The following NWD2 variants were observed in gnomAD, a reference collection of about 807,000 sequenced individuals.
NWD2 encodes the protein NACHT and WD repeat domain-containing protein 2.
Under a neutral mutation model 132.7 loss-of-function variants are expected in NWD2, and 37 were observed. The observed-to-expected ratio is 0.28, with a 90% CI of 0.21 to 0.37. The LOEUF is 0.37. Ranked by LOEUF, NWD2 falls within the 10% of genes least tolerant of loss-of-function variation. NWD2 has a pLI of 1.00. For missense variants in NWD2, 1,592 were observed against 2,122.4 expected, an observed-to-expected ratio of 0.75 and a Z score of 4.91; for synonymous variants, 705 against 803.0, an observed-to-expected ratio of 0.88 and a Z score of 2.06.
chr4:37,253,144 T>A (rs1360814972), intron 1 of NWD2, among the ~76,000 whole-genome samples: 1 of 152,202 alleles, frequency 6.6e-6, no homozygotes, highest in Non-Finnish European at 1.5e-5. Flanking sequence ...TCATCATTAC[T>A]ATGTGTTATT....
intron 3 of NWD2, among the ~76,000 whole-genome samples, chr4:37,362,533 G>A (rs767273282): frequency 6.6e-6 from 1 of 152,170 alleles, no homozygotes; most frequent in Non-Finnish European, 1.5e-5. Flanking sequence ...ACAGCCATCT[G>A]ACCTTTGACA....
At chr4:37,361,975 G>A (rs1380582616) in intron 3 of NWD2, among the ~76,000 whole-genome samples, 3 of 152,034 alleles carry the variant, frequency 2.0e-5, no homozygotes, top group African/African-American at 7.2e-5. Context: ...TTCAGTTTCA[G>A]GATACAAAAT....
chr4:37,358,698 A>C (rs1430986538), intron 3 of NWD2, among the ~76,000 whole-genome samples: 2 of 152,164 alleles, frequency 1.3e-5, no homozygotes, highest in African/African-American at 4.8e-5. Flanking sequence ...GGTCATTCTG[A>C]GAATCAAATG....
intron 3 of NWD2, among the ~76,000 whole-genome samples, chr4:37,357,316 T>C (rs1719890705): frequency 6.6e-6 from 1 of 152,180 alleles, no homozygotes; most frequent in South Asian, 2.1e-4. Context: ...CTAGATTCAA[T>C]ATATCAGCAA....
At chr4:37,377,392 C>T (rs575108605) in intron 3 of NWD2, among the ~76,000 whole-genome samples, 5 of 152,244 alleles carry the variant, frequency 3.3e-5, no homozygotes, top group Admixed American at 2.6e-4. Flanking sequence ...CAAATGTCCA[C>T]GTAATTTTTT....
intron 1 of NWD2, among the ~76,000 whole-genome samples, chr4:37,324,169 A>G (rs1719125738): frequency 6.6e-6 from 1 of 152,090 alleles, no homozygotes; most frequent in South Asian, 2.1e-4. Context: ...GTTGAAATTA[A>G]AAAAAATTAG....
At chr4:37,347,484 A>T (rs1043295370) in intron 2 of NWD2, among the ~76,000 whole-genome samples, 21 of 152,158 alleles carry the variant, frequency 1.4e-4, no homozygotes, top group African/African-American at 5.1e-4. Context: ...TATACAATTT[A>T]TACCAATTTA....
intron 2 of NWD2, among the ~76,000 whole-genome samples, chr4:37,340,039 A>G (rs1460105314): frequency 1.3e-5 from 2 of 151,826 alleles, no homozygotes; most frequent in Admixed American, 6.6e-5. Context: ...CCTTTTGATA[A>G]GTCTTCATAT....
chr4:37,420,302 A>T (rs1278388667), intron 3 of NWD2, among the ~76,000 whole-genome samples: 4 of 152,116 alleles, frequency 2.6e-5, no homozygotes, highest in Non-Finnish European at 5.9e-5. Context: ...GCCTAGCTAA[A>T]GGTTGGTGAT....
At chr4:37,384,981 T>A (rs1216934907) in intron 3 of NWD2, among the ~76,000 whole-genome samples, 1 of 152,220 alleles carries the variant, frequency 6.6e-6, no homozygotes, top group East Asian at 1.9e-4. Context: ...TTACCCTGAT[T>A]TGATCATTAC....
chr4:37,253,754 G>C (rs538249722), intron 1 of NWD2, among the ~76,000 whole-genome samples: 1 of 152,268 alleles, frequency 6.6e-6, no homozygotes, highest in East Asian at 1.9e-4. Flanking sequence ...TAAATAAGTT[G>C]TTTAAAGCCA....
chr4:37,342,291 T>C (rs1719544164), intron 2 of NWD2, among the ~76,000 whole-genome samples: 1 of 152,052 alleles, frequency 6.6e-6, no homozygotes, highest in African/African-American at 2.4e-5. Flanking sequence ...CCTCTCTCAT[T>C]ATGTGACTCA....
intron 1 of NWD2, among the ~76,000 whole-genome samples, chr4:37,317,272 C>T (rs1022666541): frequency 6.6e-6 from 1 of 152,188 alleles, no homozygotes; most frequent in Non-Finnish European, 1.5e-5. Flanking sequence ...AAACAGCTTT[C>T]AATCTTTCTT....
At chr4:37,347,513 G>T (rs987558088) in intron 2 of NWD2, among the ~76,000 whole-genome samples, 2 of 151,808 alleles carry the variant, frequency 1.3e-5, no homozygotes, top group African/African-American at 4.8e-5. Context: ...AAATTATACA[G>T]TTTATACCAA....
chr4:37,277,253 C>T (rs73240350), intron 1 of NWD2, among the ~76,000 whole-genome samples: 24,609 of 151,884 alleles, frequency 0.16, 2,559 homozygotes, highest in South Asian at 0.32. Context: ...TGACATGTCC[C>T]GGTGTGAATC....
Position 37,446,025 on chromosome 4 carries a change from G to T in NWD2, c.4037G>T (p.Ser1346Ile). The T allele has an allele frequency of 6.4e-7, 1 of 1,551,742 alleles. No homozygotes were observed. The highest frequency in any genetic ancestry group is 8.7e-7 in the Non-Finnish European group (1 of 1,146,990). ...GSDCVHKWNFSSGFIEAVFKH... is the reference protein window; with the variant it reads ...GSDCVHKWNFISGFIEAVFKH... Reference sequence around the variant, plus strand: ...GATTGTGTTCATAAGTGGAACTTCAGCAGTGGCTTCATCGAAGCAGTATTC... The same window carrying T: ...GATTGTGTTCATAAGTGGAACTTCATCAGTGGCTTCATCGAAGCAGTATTC... Residue 1346 changes from serine (S) to isoleucine (I), a missense_variant, in exon 7 of 7, where the codon AGC (serine) becomes ATC (isoleucine). Physicochemically the swap from Ser to Ile is moderately radical, Grantham distance 142. Around this residue, in one of 7 missense-constraint regions of NWD2, gnomAD observed 1,071 missense variants for 1,398.0 expected, o/e 0.77. Coordinates refer to ENST00000309447, the MANE Select transcript of NWD2 (RefSeq NM_001144990.2). This position sits in a 1 kb window ranked among gnomAD's most constrained non-coding sequence, Gnocchi z 6.7.
chr4:37,352,292 G>A (rs554480430), intron 2 of NWD2, among the ~76,000 whole-genome samples: 20 of 152,100 alleles, frequency 1.3e-4, no homozygotes, highest in South Asian at 4.2e-4. Flanking sequence ...AAAGACTCCC[G>A]CTATTATTAT....
chr4:37,289,489 A>G (rs143373973), intron 1 of NWD2, among the ~76,000 whole-genome samples: 3 of 152,304 alleles, frequency 2.0e-5, no homozygotes, highest in African/African-American at 7.2e-5. Context: ...AACATTTTAC[A>G]TATTGCCATA....
In NWD2 at chr4:37,264,549, A is replaced by G. The variant is rs187743936; in HGVS notation, c.151+19331A>G. 5.3e-5 allele frequency among the ~76,000 whole-genome samples: 8 copies of G among 152,258 alleles called. No individual in the cohort carries two copies. The East Asian group carries it at 1.4e-3, about 26-fold the overall frequency. ...GCTCATATGTCCAACAGATATTTCA[A>G]TCTGTATTTGAAAGCTGTTAAGGCA... On this transcript the variant is annotated intron_variant, in intron 1 of 6. Coordinates refer to ENST00000309447, the MANE Select transcript of NWD2 (RefSeq NM_001144990.2).
Sources: allele counts gnomAD v4.1 joint callset (sites outside exome capture counted in the v4.1 genomes callset), GRCh38; gene constraint gnomAD v4.1.1; regional missense constraint gnomAD v4.1.1; non-coding constraint Gnocchi (gnomAD v3.1); transcripts MANE v1.5; gene names NCBI Gene and HGNC (gene_info 2026-07-23, HGNC 2026-07-21).